Variants in HLTF observed in about 807,000 individuals in gnomAD.
HLTF encodes DNA-dependent ATPase/E3 ubiquitin-protein ligase HLTF.
HLTF carries 127 observed loss-of-function variants against 129.4 expected under a neutral mutation model. The observed-to-expected ratio is 0.98, with a 90% CI of 0.85 to 1.14. The LOEUF is 1.14. Ranked by LOEUF, HLTF falls within the 50% of genes most tolerant of loss-of-function variation. The probability of loss-of-function intolerance (pLI) is 0.00; values close to 1 mark genes in which losing one functional copy is unlikely to be tolerated. For synonymous variants in HLTF, 332 were observed against 388.8 expected, an observed-to-expected ratio of 0.85 and a Z score of 1.72; for missense variants, 1,139 against 1,187.1, an observed-to-expected ratio of 0.96 and a Z score of 0.60.
At chr3:149,053,382 C>G (rs1717161605) in intron 14 of HLTF, among the ~76,000 whole-genome samples, 1 of 152,104 alleles carries the variant, frequency 6.6e-6, no homozygotes, top group Non-Finnish European at 1.5e-5. Context: ...CTGGTTGTTT[C>G]TAAGTTTGTA....
intron 8 of HLTF, among the ~76,000 whole-genome samples, chr3:149,066,892 A>T (rs748700002): frequency 2.0e-5 from 3 of 152,160 alleles, no homozygotes; most frequent in Non-Finnish European, 4.4e-5. Context: ...AGTAGGAAGT[A>T]AAACTAAGTG....
intron 24 of HLTF, among the ~76,000 whole-genome samples, chr3:149,034,537 C>CTTA (rs1200735346): frequency 1.3e-5 from 2 of 152,050 alleles, no homozygotes; most frequent in Non-Finnish European, 2.9e-5. Flanking sequence ...CATGAATGTA[C>CTTA]TTAATGCATC....
intron 2 of HLTF, chr3:149,083,567 C>T (rs1455225575): frequency 2.0e-5 from 3 of 151,658 alleles, no homozygotes; most frequent in Admixed American, 6.6e-5. Flanking sequence ...CTCAGAAATG[C>T]ATATGAGAGC....
intron 1 of HLTF, among the ~76,000 whole-genome samples, chr3:149,085,532 T>C (rs775106716): frequency 2.6e-5 from 4 of 152,204 alleles, no homozygotes; most frequent in Non-Finnish European, 5.9e-5. Context: ...AAAATTTCAA[T>C]AGGGATTGAG....
At chr3:149,058,488 G>T (rs1038990110) in intron 13 of HLTF, among the ~76,000 whole-genome samples, 4 of 152,028 alleles carry the variant, frequency 2.6e-5, no homozygotes, top group Non-Finnish European at 5.9e-5. Context: ...CCTATTGGGT[G>T]GTCTTTTTCC....
chr3:149,084,677 C>A lies in HLTF; in HGVS notation c.228+5G>T. 6.3e-7 allele frequency: 1 copy of A among 1,587,450 alleles called. No individual in the cohort carries two copies. Among genetic ancestry groups the A allele is most frequent in the Non-Finnish European group, 8.6e-7 (1 of 1,156,342 alleles). ...CAAAATTTAATTATCTACTATTATA[C>A]TCACTACTCCCGTGTAATAGCGTAG... is the stretch of plus-strand genomic sequence containing the variant. On this transcript the variant is annotated splice_donor_5th_base_variant and intron_variant, in intron 2 of 24. Coordinates refer to ENST00000310053, the MANE Select transcript of HLTF (RefSeq NM_003071.4).
chr3:149,086,239 A>G, intron 1 of HLTF, 78 bp downstream of exon 1: 2 of 1,370,568 alleles, frequency 1.5e-6, no homozygotes, highest in Non-Finnish European at 2.0e-6. Flanking sequence ...ACGCAGAGGA[A>G]CGCGGGGAAG....
chr3:149,051,202 CCT>C, intron 14 of HLTF, among the ~76,000 whole-genome samples: 1 of 148,772 alleles, frequency 6.7e-6, no homozygotes, highest in South Asian at 2.1e-4. Context: ...TGAATGACTA[CCT>C]AGAATTGTGT....
chr3:149,077,461 A>T (rs1324048044), intron 2 of HLTF, among the ~76,000 whole-genome samples: 2 of 152,180 alleles, frequency 1.3e-5, no homozygotes, highest in Non-Finnish European at 2.9e-5. Context: ...TGAGCTCACC[A>T]AGTACAAAAA....
At chr3:149,060,096 T>C (rs967574724) in intron 12 of HLTF, among the ~76,000 whole-genome samples, 2 of 152,104 alleles carry the variant, frequency 1.3e-5, no homozygotes, top group African/African-American at 4.8e-5. Context: ...GGAGAATTTT[T>C]CAAGGAAACA....
At position 149,030,302 on chromosome 3, in the gene HLTF, T is replaced by C. The variant is rs1260831362; in HGVS notation, c.*1918A>G. On this transcript the variant is annotated 3_prime_UTR_variant, in exon 25 of 25. Coordinates refer to ENST00000310053, the MANE Select transcript of HLTF (RefSeq NM_003071.4). ...TTTTCATTCCAGTGGCTTTTTTATA[T>C]ATTTATCCTTCTTAGGAAGGACAAA... 7 of 152,114 alleles carry C rather than the reference T, an allele frequency of 4.6e-5. No homozygotes were observed. The allele number at this position is 152,114 out of a possible 1,614,324, so 9.4% of individuals were successfully genotyped here. A position where few individuals can be genotyped will look rare whatever the true frequency, so the allele number is the denominator to read the frequency against.
At chr3:149,081,264 C>CT (rs1719844209) in intron 2 of HLTF, among the ~76,000 whole-genome samples, 1 of 106,776 alleles carries the variant, frequency 9.4e-6, no homozygotes, top group South Asian at 2.9e-4. Context: ...TGAAAACACA[C>CT]TAAAAAAAAA....
chr3:149,054,487 C>T (rs1052188793), intron 14 of HLTF, among the ~76,000 whole-genome samples: 2 of 151,972 alleles, frequency 1.3e-5, no homozygotes, highest in African/African-American at 2.4e-5. Context: ...AGAAGAATGG[C>T]GATGAGAGAT....
rs1288310482 is a variant in HLTF at position 149,031,352 on chromosome 3, T to C, written c.*868A>G. 4.6e-5 allele frequency: 7 copies of C among 152,556 alleles called. No homozygotes were observed. The highest frequency in any genetic ancestry group is 1.7e-4 in the African/African-American group (7 of 41,432). The allele number at this position is 152,556 out of a possible 1,614,324, so 9.5% of individuals were successfully genotyped here. On this transcript the variant is annotated 3_prime_UTR_variant, in exon 25 of 25. Transcript: ENST00000310053. ...CCATCCAGATATCACGCCTCTCACA[T>C]ATAGTAGTCTTCTGAATTATAAAAA...
intron 12 of HLTF, 64 bp from the exon 13 acceptor site, chr3:149,059,871 C>A: frequency 2.1e-6 from 2 of 933,374 alleles, no homozygotes; most frequent in Non-Finnish European, 3.4e-6. Flanking sequence ...AGTACAGGTA[C>A]TTTCTAAGGG....
chr3:149,039,569 T>C lies in HLTF; in HGVS notation c.2615+12A>G, dbSNP rs749373972. On this transcript the variant is annotated intron_variant, in intron 22 of 24. Coordinates refer to ENST00000310053, the MANE Select transcript of HLTF (RefSeq NM_003071.4). ...TCCTTTTACTGAAAGTGAAAAACACTGTGGAACTTACTTAAGTGGTATTTC... is the reference window on the plus strand; with the variant it reads ...TCCTTTTACTGAAAGTGAAAAACACCGTGGAACTTACTTAAGTGGTATTTC... 17 of 1,221,778 alleles carry C rather than the reference T, an allele frequency of 1.4e-5. No individual in the cohort carries two copies. Among genetic ancestry groups the C allele is most frequent in the Non-Finnish European group, 2.0e-5 (17 of 844,222 alleles). 75.7% of individuals were successfully genotyped at this position (1,221,778 alleles called of 1,614,324 possible).
intron 5 of HLTF, among the ~76,000 whole-genome samples, chr3:149,071,943 C>T (rs1036613672): frequency 6.6e-6 from 1 of 151,944 alleles, no homozygotes; most frequent in Non-Finnish European, 1.5e-5. Flanking sequence ...GTTCTGGCTC[C>T]TAGGGATGCT....
Position 149,039,047 on chromosome 3 carries a change from A to C in HLTF, c.2796+2T>G. 1 of 1,530,666 alleles carries C rather than the reference A, an allele frequency of 6.5e-7. No homozygotes were observed. The highest frequency in any genetic ancestry group is 8.8e-7 in the Non-Finnish European group (1 of 1,139,988). 94.8% of individuals were successfully genotyped at this position (1,530,666 alleles called of 1,614,324 possible). On this transcript the variant is annotated splice_donor_variant, in intron 23 of 24. Coordinates refer to ENST00000310053, the MANE Select transcript of HLTF (RefSeq NM_003071.4). LOFTEE classifies it high-confidence loss of function. Reference sequence around the variant, plus strand: ...TCTGAAAAAATTTACAGAACTACTTACTGGATCCATTAAAAACACTCGAGA... The same window carrying C: ...TCTGAAAAAATTTACAGAACTACTTCCTGGATCCATTAAAAACACTCGAGA...
chr3:149,049,082 C>T, intron 15 of HLTF, 81 bp from the exon 16 acceptor site: 1 of 920,568 alleles, frequency 1.1e-6, no homozygotes, highest in Non-Finnish European at 1.7e-6. Flanking sequence ...TAGTTGTTAT[C>T]ATTATTTAAT....
Sources: gnomAD v4.1 joint callset for allele counts (sites outside exome capture counted in the v4.1 genomes callset) on GRCh38, gnomAD v4.1.1 for gene constraint, MANE v1.5 for transcripts, NCBI Gene and HGNC (gene_info 2026-07-23, HGNC 2026-07-21) for gene names.